The following SLC9A8 variants were observed in gnomAD, a reference collection of about 807,000 sequenced individuals.
The protein encoded by SLC9A8 is sodium/hydrogen exchanger 8.
SLC9A8 carries 48 observed loss-of-function variants against 66.6 expected under a neutral mutation model. The ratio of observed to expected loss-of-function variants is 0.72; its 90% CI spans 0.57 to 0.92. The LOEUF is 0.92. Among genes scored for constraint, SLC9A8 ranks in the 40% least tolerant of loss-of-function variants. The pLI, the probability that SLC9A8 is intolerant of heterozygous loss-of-function variation, is 0.00. For missense variants in SLC9A8, 599 were observed against 747.3 expected, an observed-to-expected ratio of 0.80 and a Z score of 2.31; for synonymous variants, 274 against 282.6, an observed-to-expected ratio of 0.97 and a Z score of 0.31.
chr20:49,836,076 T>C (rs948363239), intron 3 of SLC9A8, among the ~76,000 whole-genome samples: 2 of 152,190 alleles, frequency 1.3e-5, no homozygotes, highest in Non-Finnish European at 2.9e-5. Flanking sequence ...AGAAACCACA[T>C]GCCCTTTAGC....
chr20:49,869,369 C>G (rs1418012501), intron 10 of SLC9A8, among the ~76,000 whole-genome samples: 1 of 152,042 alleles, frequency 6.6e-6, no homozygotes, highest in African/African-American at 2.4e-5. Context: ...CAGGTGCCCA[C>G]CACCACGCCC....
chr20:49,845,162 C>A (rs2062973667), intron 5 of SLC9A8, 43 bp downstream of exon 5: 1 of 1,424,530 alleles, frequency 7.0e-7, no homozygotes, highest in Admixed American at 1.7e-5. Context: ...TGGACAGTTT[C>A]TCATGTTTGT....
chr20:49,872,408 G>A (rs1320207356), intron 10 of SLC9A8, among the ~76,000 whole-genome samples: 1 of 151,290 alleles, frequency 6.6e-6, no homozygotes, highest in African/African-American at 2.4e-5. Flanking sequence ...TTGTGTTACA[G>A]TAAGCTTAGC....
chr20:49,844,889 G>A (rs561360420), intron 4 of SLC9A8, 147 bp from the exon 5 acceptor site: 65 of 397,780 alleles, frequency 1.6e-4, no homozygotes, highest in African/African-American at 1.3e-3. Context: ...CATTCTGCTT[G>A]ATTTTATTAT....
chr20:49,832,110 C>T (rs754110788), intron 3 of SLC9A8, among the ~76,000 whole-genome samples: 1 of 152,178 alleles, frequency 6.6e-6, no homozygotes, highest in South Asian at 2.1e-4. Context: ...CCAGCCTGCC[C>T]TGCCAAGCCC....
chr20:49,814,386 G>A (rs2086470353), intron 1 of SLC9A8, among the ~76,000 whole-genome samples: 3 of 152,180 alleles, frequency 2.0e-5, no homozygotes, highest in South Asian at 2.1e-4. Flanking sequence ...AATAACTTTT[G>A]TAGTCACAGT....
At chr20:49,882,858 C>T (rs949084329) in intron 13 of SLC9A8, among the ~76,000 whole-genome samples, 2 of 152,210 alleles carry the variant, frequency 1.3e-5, no homozygotes, top group African/African-American at 4.8e-5. Context: ...CACCATGTCT[C>T]TGTATTATGT....
chr20:49,821,139 C>T (rs1347351203), intron 2 of SLC9A8, among the ~76,000 whole-genome samples: 1 of 152,040 alleles, frequency 6.6e-6, no homozygotes, highest in East Asian at 1.9e-4. Context: ...CATTGATGAG[C>T]CTTATATTAA....
chr20:49,849,539 CT>C, intron 5 of SLC9A8, 39 bp from the exon 6 acceptor site: 1 of 1,519,298 alleles, frequency 6.6e-7, no homozygotes, highest in Middle Eastern at 1.9e-4. Flanking sequence ...ACAGGAATGG[CT>C]TTTCTAATCA....
chr20:49,822,864 A>G (rs188656049), intron 2 of SLC9A8, among the ~76,000 whole-genome samples, 197 bp from the exon 3 acceptor site: 9 of 152,338 alleles, frequency 5.9e-5, no homozygotes, highest in Non-Finnish European at 1.0e-4. Context: ...AAGTATAGAG[A>G]AAATATAATA....
At chr20:49,822,296 A>G (rs1311300697) in intron 2 of SLC9A8, among the ~76,000 whole-genome samples, 1 of 151,554 alleles carries the variant, frequency 6.6e-6, no homozygotes, top group Non-Finnish European at 1.5e-5. Context: ...CAGTCACATG[A>G]TGGCAAAATA....
intron 4 of SLC9A8, among the ~76,000 whole-genome samples, chr20:49,840,308 A>G (rs1325390069): frequency 2.0e-5 from 3 of 152,212 alleles, no homozygotes; most frequent in South Asian, 2.1e-4. Flanking sequence ...CTGGAATTTC[A>G]ACATAAACTT....
At chr20:49,816,798 G>T (rs1349643404) in intron 2 of SLC9A8, among the ~76,000 whole-genome samples, 2 of 151,674 alleles carry the variant, frequency 1.3e-5, no homozygotes, top group East Asian at 2.0e-4. Context: ...GCATTATCTC[G>T]GCTCACTGCA....
At chr20:49,858,882 TG>T (rs1418998216) in intron 8 of SLC9A8, among the ~76,000 whole-genome samples, 2 of 150,580 alleles carry the variant, frequency 1.3e-5, no homozygotes, top group Admixed American at 1.3e-4. Context: ...TGCTTGAACC[TG>T]GGAGGCGGAG....
intron 2 of SLC9A8, among the ~76,000 whole-genome samples, chr20:49,822,849 CAAAG>C (rs747818040): frequency 6.6e-6 from 1 of 152,108 alleles, no homozygotes; most frequent in Non-Finnish European, 1.5e-5. Flanking sequence ...TTCAGGCAGA[CAAAG>C]AAGTATAGAG....
At chr20:49,846,008 T>C (rs1250610698) in intron 5 of SLC9A8, among the ~76,000 whole-genome samples, 4 of 152,104 alleles carry the variant, frequency 2.6e-5, no homozygotes, top group Non-Finnish European at 5.9e-5. Flanking sequence ...CTAATTTTTG[T>C]CGTTTTAGTA....
intron 8 of SLC9A8, among the ~76,000 whole-genome samples, chr20:49,858,936 C>T (rs1159585652): frequency 4.0e-5 from 6 of 148,584 alleles, no homozygotes; most frequent in Admixed American, 3.4e-4. Context: ...CCAGCCAGAG[C>T]GACAGAGCAA....
intron 5 of SLC9A8, among the ~76,000 whole-genome samples, chr20:49,847,866 CA>C (rs1400822090): frequency 6.8e-6 from 1 of 148,124 alleles, no homozygotes; most frequent in Non-Finnish European, 1.5e-5. Flanking sequence ...TAAATTATAT[CA>C]ACATTAGATC....
chr20:49,812,947 G>C lies in SLC9A8; in HGVS notation c.25G>C (p.Glu9Gln), dbSNP rs1383487483. Residue 9 changes from glutamate to glutamine, a missense_variant and splice_region_variant, in exon 1 of 16, where the codon GAG (glutamate) becomes CAG (glutamine). Coordinates refer to ENST00000361573, the MANE Select transcript of SLC9A8 (RefSeq NM_015266.3). MGEKMAEE[E>Q]RFPNTTHEGF... ...GATGGGGGAGAAGATGGCGGAAGAG[G>C]AGTGAGTGGGCTTTTTCCCGGGCGG... 10 of 1,447,344 alleles carry C rather than the reference G, an allele frequency of 6.9e-6. No homozygotes were observed. The Admixed American group carries it at 2.5e-4, about 37-fold the overall frequency. The allele number at this position is 1,447,344 out of a possible 1,614,324, so 89.7% of individuals were successfully genotyped here.
Sources: gnomAD v4.1 joint callset for allele counts (sites outside exome capture counted in the v4.1 genomes callset) on GRCh38, gnomAD v4.1.1 for gene constraint, MANE v1.5 for transcripts, NCBI Gene and HGNC (gene_info 2026-07-23, HGNC 2026-07-21) for gene names.